Variants in CACNB2 observed in about 807,000 individuals in gnomAD.
The protein encoded by CACNB2 is voltage-dependent L-type calcium channel subunit beta-2.
Under a neutral mutation model 73.3 loss-of-function variants are expected in CACNB2, and 42 were observed. The observed-to-expected ratio is 0.57, with a 90% CI of 0.45 to 0.74. The LOEUF (loss-of-function observed/expected upper bound fraction) is 0.74. Ranked by LOEUF, CACNB2 falls within the 30% of genes least tolerant of loss-of-function variation. CACNB2 has a pLI of 0.00. For synonymous variants in CACNB2, 348 were observed against 310.3 expected (o/e 1.12, Z -1.28); for missense variants, 940 against 853.0 (o/e 1.10, Z -1.27).
At chr10:18,398,224 T>C (rs919974644) in intron 2 of CACNB2, among the ~76,000 whole-genome samples, 2 of 152,222 alleles carry the variant, frequency 1.3e-5, no homozygotes, top group Non-Finnish European at 2.9e-5. Flanking sequence ...GTAAGGCATA[T>C]GTCAGGAGGG....
At chr10:18,398,692 TACACAC>T (rs200052800) in intron 2 of CACNB2, among the ~76,000 whole-genome samples, 6 of 57,068 alleles carry the variant, frequency 1.1e-4, no homozygotes, top group Non-Finnish European at 1.6e-4. Context: ...CACACACACA[TACACAC>T]ACACACACAC....
chr10:18,266,003 T>A (rs902454805), intron 2 of CACNB2, among the ~76,000 whole-genome samples: 1 of 152,214 alleles, frequency 6.6e-6, no homozygotes, highest in Admixed American at 6.5e-5. Context: ...TAGTGTGTGA[T>A]CACCTTTGAG....
At chr10:18,360,384 T>C (rs1365595356) in intron 2 of CACNB2, among the ~76,000 whole-genome samples, 1 of 152,092 alleles carries the variant, frequency 6.6e-6, no homozygotes, top group African/African-American at 2.4e-5. Context: ...TGCACCACTA[T>C]ACCTGGCTAA....
intron 2 of CACNB2, among the ~76,000 whole-genome samples, chr10:18,374,609 G>A (rs1405250814): frequency 6.6e-6 from 1 of 152,140 alleles, no homozygotes; most frequent in South Asian, 2.1e-4. Context: ...CAAGGCTAAG[G>A]TGGTGTAATC....
intron 2 of CACNB2, among the ~76,000 whole-genome samples, chr10:18,216,799 C>T (rs1220400692): frequency 1.3e-5 from 2 of 152,144 alleles, no homozygotes; most frequent in African/African-American, 4.8e-5. Context: ...ACAGAGGTCT[C>T]ATGAAAAATT....
chr10:18,498,606 C>T (rs756227911), intron 4 of CACNB2, 129 bp downstream of exon 4: 50 of 919,592 alleles, frequency 5.4e-5, no homozygotes, highest in Middle Eastern at 5.2e-4. Context: ...ACACACATAA[C>T]TAAATCAATG....
intron 2 of CACNB2, among the ~76,000 whole-genome samples, chr10:18,341,959 G>A (rs1030337050): frequency 2.6e-5 from 4 of 151,926 alleles, no homozygotes; most frequent in South Asian, 2.1e-4. Context: ...AGTATTGTAC[G>A]TGACAATTCT....
Position 18,322,264 on chromosome 10 carries a change from A to G in CACNB2, c.214-79660A>G, listed in dbSNP as rs149129693. The stretch of plus-strand genomic sequence containing the variant: ...AAATTAACATCTTGGAAATCAGAGA[A>G]TACAGCTAATGACAAGAATAATTAA... On this transcript the variant is annotated intron_variant, in intron 2 of 13. Transcript: ENST00000324631. Among the ~76,000 whole-genome samples, 383 of 152,336 alleles carry G rather than the reference A, an allele frequency of 2.5e-3. 1 individual carries two copies. The highest frequency in any genetic ancestry group is 8.8e-3 in the African/African-American group (366 of 41,566).
At chr10:18,265,257 A>G (rs1464229015) in intron 2 of CACNB2, among the ~76,000 whole-genome samples, 9 of 148,354 alleles carry the variant, frequency 6.1e-5, no homozygotes, top group Non-Finnish European at 1.3e-4. Context: ...TTCAAGCCTC[A>G]GCCTCCTGAC....
At chr10:18,462,765 T>G (rs1157153854) in intron 3 of CACNB2, among the ~76,000 whole-genome samples, 1 of 151,438 alleles carries the variant, frequency 6.6e-6, no homozygotes, top group Admixed American at 6.6e-5. Flanking sequence ...TTATTTTTAT[T>G]TATTTATTTT....
chr10:18,503,666 G>C (rs775344441), intron 5 of CACNB2, among the ~76,000 whole-genome samples: 2 of 152,148 alleles, frequency 1.3e-5, no homozygotes, highest in Non-Finnish European at 2.9e-5. Flanking sequence ...CTGTCAACTA[G>C]GTAGTATATC....
chr10:18,454,429 C>G (rs939410073), intron 3 of CACNB2, among the ~76,000 whole-genome samples: 23 of 152,320 alleles, frequency 1.5e-4, no homozygotes, highest in African/African-American at 5.1e-4. Context: ...TTTCATACCA[C>G]AGACATGTCT....
intron 3 of CACNB2, among the ~76,000 whole-genome samples, chr10:18,473,938 C>G (rs1225156568): frequency 6.6e-6 from 1 of 152,204 alleles, no homozygotes; most frequent in African/African-American, 2.4e-5. Flanking sequence ...CCCCGCCACG[C>G]TGCTCTCTGT....
chr10:18,295,248 T>C (rs1302608228), intron 2 of CACNB2, among the ~76,000 whole-genome samples: 1 of 152,214 alleles, frequency 6.6e-6, no homozygotes, highest in Non-Finnish European at 1.5e-5. Context: ...CCAAACTTTA[T>C]TATAGAATCT....
intron 3 of CACNB2, among the ~76,000 whole-genome samples, chr10:18,427,072 T>C (rs190523378): frequency 7.3e-5 from 11 of 149,690 alleles, no homozygotes; most frequent in African/African-American, 2.7e-4. Flanking sequence ...TCTCCTGCCT[T>C]AGCCTCCCTA....
chr10:18,418,518 ATAGG>A (rs1314705303), intron 3 of CACNB2, among the ~76,000 whole-genome samples: 31 of 152,338 alleles, frequency 2.0e-4, no homozygotes, highest in African/African-American at 7.0e-4. Flanking sequence ...ATCTAGCTTA[ATAGG>A]CAGATAAGAT....
chr10:18,261,400 T>C, intron 2 of CACNB2: 1 of 1,543,660 alleles, frequency 6.5e-7, no homozygotes. Flanking sequence ...CTCTTTCAGC[T>C]GTTTTTATTC....
intron 3 of CACNB2, among the ~76,000 whole-genome samples, chr10:18,426,626 G>C (rs2045611645): frequency 6.6e-6 from 1 of 152,124 alleles, no homozygotes; most frequent in Non-Finnish European, 1.5e-5. Context: ...GATCACCTGA[G>C]GCCAGGAGTT....
intron 2 of CACNB2, among the ~76,000 whole-genome samples, chr10:18,298,319 G>A (rs1007776828): frequency 2.0e-5 from 3 of 151,390 alleles, no homozygotes; most frequent in Non-Finnish European, 4.4e-5. Context: ...GCAGTGAGCC[G>A]AGATTACGCC....
Sources: gnomAD v4.1 joint callset for allele counts (sites outside exome capture counted in the v4.1 genomes callset) on GRCh38, gnomAD v4.1.1 for gene constraint, MANE v1.5 for transcripts, NCBI Gene and HGNC (gene_info 2026-07-23, HGNC 2026-07-21) for gene names.